SLC15A2: variants seen among roughly 807,000 people sequenced by gnomAD.
SLC15A2 encodes kidney H(+)/peptide cotransporter.
In SLC15A2, 77 loss-of-function variants were observed where a neutral mutation model predicts 95.5. The ratio of observed to expected loss-of-function variants is 0.81; its 90% CI spans 0.67 to 0.97. The LOEUF (loss-of-function observed/expected upper bound fraction) is 0.97, where lower values mean the gene tolerates loss of function less well. Among genes scored for constraint, SLC15A2 ranks in the 50% least tolerant of loss-of-function variants. The probability of loss-of-function intolerance (pLI) is 0.00; values close to 1 mark genes in which losing one functional copy is unlikely to be tolerated. For synonymous variants in SLC15A2, 306 were observed against 306.9 expected (o/e 1.00, Z 0.03); for missense variants, 893 against 874.4 (o/e 1.02, Z -0.27).
intron 3 of SLC15A2, among the ~76,000 whole-genome samples, chr3:121,900,026 T>C (rs575338449): frequency 1.3e-5 from 2 of 152,176 alleles, no homozygotes; most frequent in African/African-American, 4.8e-5. Context: ...ATCTGGCTTC[T>C]CTTTTGCCTC....
At chr3:121,899,957 C>T (rs545016825) in intron 3 of SLC15A2, among the ~76,000 whole-genome samples, 1 of 152,060 alleles carries the variant, frequency 6.6e-6, no homozygotes, top group South Asian at 2.1e-4. Flanking sequence ...TGTGAAACTC[C>T]CTGGCCTTCT....
chr3:121,895,206 A>G (rs997290316), intron 1 of SLC15A2: 1 of 152,220 alleles, frequency 6.6e-6, no homozygotes, highest in Non-Finnish European at 1.5e-5. Flanking sequence ...CCAAAAGGTG[A>G]TGTTATTCTC....
At chr3:121,937,990 A>C (rs1355779022) in intron 19 of SLC15A2, among the ~76,000 whole-genome samples, 1 of 151,230 alleles carries the variant, frequency 6.6e-6, no homozygotes, top group Non-Finnish European at 1.5e-5. Flanking sequence ...AACAGACAGG[A>C]CCCTCAGCTG....
In SLC15A2 at chr3:121,941,271, A is replaced by T. The variant is rs1486946008; in HGVS notation, c.*264A>T. The T allele has an allele frequency of 3.1e-6, 1 of 322,048 alleles. No individual in the cohort carries two copies. The highest frequency in any genetic ancestry group is 5.6e-6 in the Non-Finnish European group (1 of 177,454). 19.9% of individuals were successfully genotyped at this position (322,048 alleles called of 1,614,324 possible). A position where few individuals can be genotyped will look rare whatever the true frequency, so the allele number is the denominator to read the frequency against. The stretch of plus-strand genomic sequence containing the variant: ...GGCCTGGTGTCTCCAAATGACCATG[A>T]AAATACACACGTATAATGGAGATCA... On this transcript the variant is annotated 3_prime_UTR_variant, in exon 22 of 22. Transcript: ENST00000489711.
intron 3 of SLC15A2, among the ~76,000 whole-genome samples, chr3:121,901,050 G>T (rs747015457): frequency 1.3e-5 from 2 of 151,180 alleles, no homozygotes; most frequent in Non-Finnish European, 2.9e-5. Context: ...GCAAAGTCTC[G>T]CTCTGTCACC....
chr3:121,917,919 A>G (rs949036134), intron 7 of SLC15A2, among the ~76,000 whole-genome samples: 8 of 152,174 alleles, frequency 5.3e-5, no homozygotes, highest in Non-Finnish European at 8.8e-5. Context: ...CCTAAAGCAT[A>G]AAAAAGAATG....
intron 14 of SLC15A2, chr3:121,928,204 T>G (rs1710159550): frequency 2.2e-5 from 13 of 584,358 alleles, no homozygotes; most frequent in Non-Finnish European, 3.9e-5. Flanking sequence ...TCAAAAAGCA[T>G]CGAGTTTGTA....
At chr3:121,898,338 A>T (rs1430922637) in intron 3 of SLC15A2, among the ~76,000 whole-genome samples, 2 of 151,950 alleles carry the variant, frequency 1.3e-5, no homozygotes, top group African/African-American at 2.4e-5. Context: ...CCTTCTTATG[A>T]ATCTAATATT....
chr3:121,901,271 T>C (rs770150605), intron 3 of SLC15A2, among the ~76,000 whole-genome samples: 10 of 152,126 alleles, frequency 6.6e-5, no homozygotes, highest in Non-Finnish European at 1.5e-4. Context: ...CCCACCTCTG[T>C]CTCCCAAACT....
At chr3:121,905,931 T>C (rs1235889170) in intron 3 of SLC15A2, among the ~76,000 whole-genome samples, 1 of 152,198 alleles carries the variant, frequency 6.6e-6, no homozygotes, top group Non-Finnish European at 1.5e-5. Flanking sequence ...TTGTTCTGTC[T>C]AATACTGACA....
At chr3:121,905,801 G>A (rs1259913314) in intron 3 of SLC15A2, among the ~76,000 whole-genome samples, 1 of 152,168 alleles carries the variant, frequency 6.6e-6, no homozygotes, top group South Asian at 2.1e-4. Flanking sequence ...GTGTGATGTG[G>A]TACTGAGAAG....
intron 13 of SLC15A2, among the ~76,000 whole-genome samples, chr3:121,926,287 G>A (rs927773832): frequency 2.0e-5 from 3 of 152,096 alleles, no homozygotes; most frequent in South Asian, 2.1e-4. Context: ...GGAGGTAGTC[G>A]GATCATGGGG....
rs780712716 is a variant in SLC15A2, at chr3:121,903,371, A to G, written c.335+5842A>G. ...TTAATTTAATTAGATCCCATTTGTC[A>G]ATTTTGGCTTTGGTTGCCATTGCTT... On this transcript the variant is annotated intron_variant, in intron 3 of 21. Coordinates refer to ENST00000489711, the MANE Select transcript of SLC15A2 (RefSeq NM_021082.4). 1.5e-3 allele frequency among the ~76,000 whole-genome samples: 232 copies of G among 152,172 alleles called. 5 individuals are homozygous for G. In the Middle Eastern group the frequency reaches 0.034, roughly 22 times the overall value.
In SLC15A2 at chr3:121,896,490, A is replaced by G. The variant is rs1404464707; in HGVS notation, c.190A>G (p.Lys64Glu). Reference sequence around the variant, plus strand: ...CGAGCGCTTTTCCTATTATGGAATGAAAGGTAATTTTGTGTCCAAGAGTCC... The same window carrying G: ...CGAGCGCTTTTCCTATTATGGAATGGAAGGTAATTTTGTGTCCAAGAGTCC... ...FCERFSYYGMKAVLILYFLYF... is the reference protein window; with the variant it reads ...FCERFSYYGMEAVLILYFLYF... The change falls in exon 2 of 22, where the codon AAA becomes GAA. Residue 64 changes from lysine (K) to glutamate (E), a missense_variant. Physicochemically the swap from Lys to Glu is moderately conservative, Grantham distance 56. Coordinates refer to ENST00000489711, the MANE Select transcript of SLC15A2 (RefSeq NM_021082.4). 2 of 1,613,432 alleles carry G rather than the reference A, an allele frequency of 1.2e-6. No individual in the cohort carries two copies. The highest frequency in any genetic ancestry group is 3.3e-5 in the Admixed American group (2 of 60,002).
intron 8 of SLC15A2, 67 bp from the exon 9 acceptor site, chr3:121,922,708 A>C: frequency 8.8e-7 from 1 of 1,140,590 alleles, no homozygotes. Flanking sequence ...GGAAGGTATA[A>C]TAAGTTGGAA....
At chr3:121,905,450 AT>A (rs1709617500) in intron 3 of SLC15A2, among the ~76,000 whole-genome samples, 1 of 152,026 alleles carries the variant, frequency 6.6e-6, no homozygotes, top group Admixed American at 6.5e-5. Flanking sequence ...TAAGGTGTCG[AT>A]TTTAGATCTT....
chr3:121,910,488 C>T (rs1302333049), intron 3 of SLC15A2, among the ~76,000 whole-genome samples: 2 of 152,076 alleles, frequency 1.3e-5, no homozygotes, highest in Non-Finnish European at 2.9e-5. Context: ...AGCCACCGTG[C>T]CCTAGTCACC....
At chr3:121,908,258 A>T (rs1322479142) in intron 3 of SLC15A2, among the ~76,000 whole-genome samples, 1 of 152,138 alleles carries the variant, frequency 6.6e-6, no homozygotes, top group East Asian at 1.9e-4. Context: ...TTTGGGTGGG[A>T]GTGTTGCGAT....
At chr3:121,912,999 C>T (rs1218401665) in intron 4 of SLC15A2, 22 bp from the exon 5 acceptor site, 3 of 1,564,406 alleles carry the variant, frequency 1.9e-6, no homozygotes, top group Middle Eastern at 1.7e-4. Flanking sequence ...ACATGGTTGG[C>T]ATTCTCACCT....
Sources: gnomAD v4.1 joint callset for allele counts (sites outside exome capture counted in the v4.1 genomes callset) on GRCh38, gnomAD v4.1.1 for gene constraint, MANE v1.5 for transcripts, NCBI Gene and HGNC (gene_info 2026-07-23, HGNC 2026-07-21) for gene names.